Variants in TAF4 observed in about 807,000 individuals in gnomAD.
The protein encoded by TAF4 is TATA-box binding protein associated factor 4, also known as transcription initiation factor TFIID subunit 4.
A neutral mutation model predicts 90.3 loss-of-function variants in TAF4; 9 were observed. That is an observed-to-expected ratio of 0.10 (90% CI 0.06 to 0.17). The LOEUF is 0.17. Among genes scored for constraint, TAF4 ranks in the 10% least tolerant of loss-of-function variants. The pLI, the probability that TAF4 is intolerant of heterozygous loss-of-function variation, is 1.00. For synonymous variants in TAF4, 818 were observed against 638.9 expected, an observed-to-expected ratio of 1.28 and a Z score of -4.23; for missense variants, 1,351 against 1,370.7, an observed-to-expected ratio of 0.99 and a Z score of 0.23.
intron 5 of TAF4, 46 bp from the exon 6 acceptor site, chr20:62,007,682 C>T (rs2055754780): frequency 1.3e-6 from 2 of 1,534,706 alleles, no homozygotes; most frequent in Non-Finnish European, 1.8e-6. Flanking sequence ...TGAGATTCCA[C>T]ACACACTTCT....
At chr20:62,018,508 C>T (rs1327302801) in intron 1 of TAF4, among the ~76,000 whole-genome samples, 1 of 152,266 alleles carries the variant, frequency 6.6e-6, no homozygotes, top group African/African-American at 2.4e-5. Context: ...AGCCGCCCCT[C>T]CTGCCTCTAC....
Position 62,010,282 on chromosome 20 carries a change from A to G in TAF4, c.1642-117T>C, listed in dbSNP as rs2055771303. 7 of 1,476,998 alleles carry G rather than the reference A, an allele frequency of 4.7e-6. No individual in the cohort carries two copies. The highest frequency in any genetic ancestry group is 1.9e-5 in the Admixed American group (1 of 51,358). 91.5% of individuals were successfully genotyped at this position (1,476,998 alleles called of 1,614,324 possible). ...CCTCCCTGCGGTGGCCAGGACGCCC[A>G]GGAAGCCAAGGACCCCGGCCACCTG... On this transcript the variant is annotated intron_variant, in intron 3 of 14. Coordinates refer to ENST00000252996, the MANE Select transcript of TAF4 (RefSeq NM_003185.4). This position sits in a 1 kb window ranked among gnomAD's most constrained non-coding sequence, Gnocchi z 4.5.
At chr20:62,035,661 A>C (rs1329374270) in intron 1 of TAF4, among the ~76,000 whole-genome samples, 1 of 152,266 alleles carries the variant, frequency 6.6e-6, no homozygotes, top group East Asian at 1.9e-4. Context: ...GGACTTCTTA[A>C]AGATGACTTG....
At chr20:62,041,965 G>A (rs1356254969) in intron 1 of TAF4, among the ~76,000 whole-genome samples, 1 of 151,856 alleles carries the variant, frequency 6.6e-6, no homozygotes, top group Non-Finnish European at 1.5e-5. Context: ...ACAGAATACT[G>A]GCTAATGATA....
chr20:62,022,589 C>G (rs2055849780), intron 1 of TAF4, among the ~76,000 whole-genome samples: 1 of 152,174 alleles, frequency 6.6e-6, no homozygotes, highest in Non-Finnish European at 1.5e-5. Context: ...GGAAAGGGCC[C>G]CTCCAGAATC....
At chr20:62,062,368 C>G (rs1237312133) in intron 1 of TAF4, among the ~76,000 whole-genome samples, 1 of 151,780 alleles carries the variant, frequency 6.6e-6, no homozygotes, top group African/African-American at 2.4e-5. Flanking sequence ...AAAGAAGGTA[C>G]TCTGGTTTGG....
At chr20:61,999,469 T>G (rs1207745095) in intron 11 of TAF4, among the ~76,000 whole-genome samples, 1 of 152,274 alleles carries the variant, frequency 6.6e-6, no homozygotes, top group Non-Finnish European at 1.5e-5. Context: ...CTGAAGGCAC[T>G]GCCTCCCGGC....
intron 14 of TAF4, among the ~76,000 whole-genome samples, chr20:61,987,125 C>A (rs6142910): frequency 0.6 from 91,699 of 152,080 alleles, 28,109 homozygotes; most frequent in Middle Eastern, 0.76. Context: ...GCCTCCCAAT[C>A]CAGTGCTCTG....
In TAF4 at chr20:62,023,490, G is replaced by A. The variant is rs1423283651; in HGVS notation, c.1361-8783C>T. Among the ~76,000 whole-genome samples, 3 of 152,012 alleles carry A rather than the reference G, an allele frequency of 2.0e-5. No homozygotes were observed. The East Asian group carries it at 5.8e-4, about 29-fold the overall frequency. On this transcript the variant is annotated intron_variant, in intron 1 of 14. Transcript: ENST00000252996. ...CACGAGCTGATCTCAAGATGCATTA[G>A]AAAGCTCAGCACTTCGGAAGGCCGA...
intron 1 of TAF4, among the ~76,000 whole-genome samples, chr20:62,048,277 G>A (rs1356398337): frequency 2.0e-5 from 3 of 152,188 alleles, no homozygotes; most frequent in Non-Finnish European, 4.4e-5. Flanking sequence ...AAAACCAAGA[G>A]GCAGCCCAGC....
chr20:62,024,942 G>A (rs1306008882), intron 1 of TAF4, among the ~76,000 whole-genome samples: 6 of 151,668 alleles, frequency 4.0e-5, no homozygotes, highest in Admixed American at 6.6e-5. Context: ...ATGAGCACAC[G>A]GAGAGAGCCC....
At chr20:61,989,683 C>A (rs1653060606) in intron 14 of TAF4, among the ~76,000 whole-genome samples, 1 of 127,508 alleles carries the variant, frequency 7.8e-6, no homozygotes, top group African/African-American at 3.0e-5. Flanking sequence ...GGGATCCCGG[C>A]ACCCACAGCA....
chr20:61,981,540 T>TAA (rs1209699734), intron 14 of TAF4: 2 of 152,024 alleles, frequency 1.3e-5, no homozygotes, highest in African/African-American at 2.4e-5. Context: ...CAGAAATGAA[T>TAA]AAACTGCAAA....
chr20:62,036,081 T>C (rs1172027727), intron 1 of TAF4, among the ~76,000 whole-genome samples: 14 of 151,842 alleles, frequency 9.2e-5, no homozygotes. Flanking sequence ...TCGAGTGCAG[T>C]GGCGCAATCT....
Position 62,064,631 on chromosome 20 carries a change from G to A in TAF4, c.1180C>T (p.Pro394Ser). ...TTGGGCAGCCCGGTGGGGGTCCCGGGGGCGGGCGGCGGGACGGCGGCCGGG... is the reference window on the plus strand; with the variant it reads ...TTGGGCAGCCCGGTGGGGGTCCCGGAGGCGGGCGGCGGGACGGCGGCCGGG... ...PSPAAVPPPA[P>S]GTPTGLPKGA... The change falls in exon 1 of 15, where the codon CCC becomes TCC. Residue 394 changes from proline (P) to serine (S), a missense_variant. This residue lies in a region of TAF4 where 782 missense variants were observed against 536.6 expected (regional missense o/e 1.46). Transcript: ENST00000252996. 7.4e-7 allele frequency: 1 copy of A among 1,354,516 alleles called. No homozygotes were observed. 83.9% of individuals were successfully genotyped at this position (1,354,516 alleles called of 1,614,324 possible).
intron 1 of TAF4, 39 bp from the exon 2 acceptor site, chr20:62,014,746 C>A (rs202222819): frequency 1.9e-6 from 3 of 1,604,926 alleles, no homozygotes; most frequent in Admixed American, 3.5e-5. Flanking sequence ...AACGCAACCA[C>A]CCCAGAGCCA....
chr20:62,034,992 T>C (rs907957648), intron 1 of TAF4, among the ~76,000 whole-genome samples: 2 of 152,038 alleles, frequency 1.3e-5, no homozygotes, highest in Admixed American at 6.6e-5. Context: ...AGCTAATTTT[T>C]TGTATTTTTA....
intron 1 of TAF4, among the ~76,000 whole-genome samples, chr20:62,056,515 C>T (rs1394400179): frequency 6.6e-6 from 1 of 152,198 alleles, no homozygotes. Flanking sequence ...CATTCACCTA[C>T]AGGGGGCCAC....
rs1444819180 is a variant in TAF4, at chr20:62,064,693, A to T, written c.1118T>A (p.Met373Lys). The T allele has an allele frequency of 3.2e-6, 4 of 1,254,862 alleles. No individual in the cohort carries two copies. In the African/African-American group the frequency reaches 6.5e-5, roughly 20 times the overall value. The allele number at this position is 1,254,862 out of a possible 1,614,324, so 77.7% of individuals were successfully genotyped here. A position where few individuals can be genotyped will look rare whatever the true frequency, so the allele number is the denominator to read the frequency against. Residue 373 changes from methionine (M) to lysine (K), a missense_variant, in exon 1 of 15, where the codon ATG becomes AAG. This residue lies in a region of TAF4 where 782 missense variants were observed against 536.6 expected (regional missense o/e 1.46). Coordinates refer to ENST00000252996, the MANE Select transcript of TAF4 (RefSeq NM_003185.4). ...ASGPASTAAS[M>K]VIGPTMQGAL... Reference sequence around the variant, plus strand: ...CCCTTGCATAGTTGGCCCGATGACCATGCTGGCCGCCGTGCTGGCCGGGCC... The same window carrying T: ...CCCTTGCATAGTTGGCCCGATGACCTTGCTGGCCGCCGTGCTGGCCGGGCC...
Sources: gnomAD v4.1 joint callset for allele counts (sites outside exome capture counted in the v4.1 genomes callset) on GRCh38, gnomAD v4.1.1 for gene constraint, gnomAD v4.1.1 regional missense constraint, Gnocchi (gnomAD v3.1) non-coding constraint, MANE v1.5 for transcripts, NCBI Gene and HGNC (gene_info 2026-07-23, HGNC 2026-07-21) for gene names.